DIP2B: variants seen among roughly 807,000 people sequenced by gnomAD.
DIP2B encodes DIP2 acetate--CoA ligase B (putative).
In DIP2B, 76 loss-of-function variants were observed where a neutral mutation model predicts 198.0. That is an observed-to-expected ratio of 0.38 (90% CI 0.32 to 0.46). The LOEUF is 0.46. DIP2B is among the 20% of genes least tolerant of loss of function. DIP2B has a pLI of 0.99. For missense variants in DIP2B, 1,559 were observed against 1,978.4 expected (o/e 0.79, Z 4.02); for synonymous variants, 701 against 739.1 (o/e 0.95, Z 0.84).
At chr12:50,692,865 AG>A (rs2139550175) in intron 13 of DIP2B, 83 bp from the exon 14 acceptor site, 1 of 1,140,616 alleles carries the variant, frequency 8.8e-7, no homozygotes, top group East Asian at 2.4e-5. Flanking sequence ...ACATCAAATC[AG>A]TTGTTTATAA....
intron 4 of DIP2B, among the ~76,000 whole-genome samples, chr12:50,663,486 G>A (rs1592116522): frequency 6.6e-6 from 1 of 152,022 alleles, no homozygotes; most frequent in East Asian, 1.9e-4. Flanking sequence ...AACCTGGAAG[G>A]CAGAGCTTGC....
At chr12:50,611,655 C>T (rs1172324920) in intron 1 of DIP2B, among the ~76,000 whole-genome samples, 1 of 151,994 alleles carries the variant, frequency 6.6e-6, no homozygotes, top group Non-Finnish European at 1.5e-5. Flanking sequence ...TGGTTTTATT[C>T]TCTTTTTACC....
intron 1 of DIP2B, among the ~76,000 whole-genome samples, chr12:50,606,737 C>G (rs964012187): frequency 1.1e-4 from 17 of 151,774 alleles, no homozygotes; most frequent in Admixed American, 3.3e-4. Context: ...TTCAAGCAAT[C>G]GTCCCACTTC....
At chr12:50,735,166 G>C (rs1940114745) in intron 34 of DIP2B, 36 bp downstream of exon 34, 1 of 1,610,116 alleles carries the variant, frequency 6.2e-7, no homozygotes. Context: ...AAGGTGGGCT[G>C]TGTGGAGAAG....
At chr12:50,661,399 A>C (rs1369605533) in intron 4 of DIP2B, among the ~76,000 whole-genome samples, 1 of 152,180 alleles carries the variant, frequency 6.6e-6, no homozygotes, top group African/African-American at 2.4e-5. Context: ...TCCCTGATCC[A>C]GATTAATATT....
At position 50,595,112 on chromosome 12, in the gene DIP2B, A is replaced by G. The variant is rs1188763954; in HGVS notation, c.101-30864A>G. Among the ~76,000 whole-genome samples the G allele has an allele frequency of 2.0e-5, 3 of 152,220 alleles. No individual in the cohort carries two copies. The East Asian group carries it at 5.8e-4, about 29-fold the overall frequency. ...TAAATTGGCCATATAAATTAAGCTC[A>G]AGCTTGCATTTTAAAAGGAATAAAC... On this transcript the variant is annotated intron_variant, in intron 1 of 37. Coordinates refer to ENST00000301180, the MANE Select transcript of DIP2B (RefSeq NM_173602.3).
At position 50,683,157 on chromosome 12, in the gene DIP2B, A is replaced by G. The variant is rs1310307614; in HGVS notation, c.1226A>G (p.Asn409Ser). The change falls in exon 10 of 38, where the codon AAC (asparagine) becomes AGC (serine). Residue 409 changes from asparagine to serine, a missense_variant. By Grantham distance (46) the Asn-to-Ser change is conservative. Coordinates refer to ENST00000301180, the MANE Select transcript of DIP2B (RefSeq NM_173602.3). ...PGDRVALVYP[N>S]NDPVMFMVAF... ...TTTTAGGTAGCCCTGGTTTACCCCA[A>G]CAATGATCCAGTCATGTTTATGGTG... The G allele has an allele frequency of 9.9e-6, 16 of 1,611,110 alleles. No homozygotes were observed. The South Asian group carries it at 1.0e-4, about 10-fold the overall frequency.
At position 50,692,976 on chromosome 12, in the gene DIP2B, T is replaced by A. The variant is rs1385038673; in HGVS notation, c.1682T>A (p.Phe561Tyr). 1.9e-6 allele frequency: 3 copies of A among 1,611,032 alleles called. No homozygotes were observed. In the Admixed American group the frequency reaches 5.1e-5, roughly 27 times the overall value. ...GAAACAATAGTAAATGTCTTAGACT[T>A]TAAGAAGGATGCTGGGCTGTGGCAC... ...EGETIVNVLD[F>Y]KKDAGLWHGM... Residue 561 changes from phenylalanine to tyrosine, a missense_variant, in exon 14 of 38, where the codon TTT becomes TAT. Physicochemically the swap from Phe to Tyr is conservative, Grantham distance 22. Coordinates refer to ENST00000301180, the MANE Select transcript of DIP2B (RefSeq NM_173602.3).
chr12:50,533,294 A>G (rs962883517), intron 1 of DIP2B, among the ~76,000 whole-genome samples: 1 of 152,224 alleles, frequency 6.6e-6, no homozygotes, highest in Non-Finnish European at 1.5e-5. Flanking sequence ...AGTAGTAAGG[A>G]TGAGTCTTGT....
At chr12:50,736,959 G>A (rs2139603698) in intron 34 of DIP2B, 77 bp from the exon 35 acceptor site, 3 of 1,434,226 alleles carry the variant, frequency 2.1e-6, no homozygotes, top group Non-Finnish European at 2.9e-6. Context: ...CTCTCCAGCA[G>A]GTAACTAACC....
intron 1 of DIP2B, among the ~76,000 whole-genome samples, chr12:50,605,073 A>T (rs1958970144): frequency 6.6e-6 from 1 of 152,202 alleles, no homozygotes; most frequent in African/African-American, 2.4e-5. Flanking sequence ...CCATTAATGT[A>T]GCCTGTTTTC....
chr12:50,686,082 G>A lies in DIP2B; in HGVS notation c.1441+126G>A, dbSNP rs539074595. On this transcript the variant is annotated intron_variant, in intron 11 of 37. Transcript: ENST00000301180. ...TATTTAATTCTCATAGTCTTATGAA[G>A]TAGGTACCATTATTATCCCCATTTT... 7.8e-4 allele frequency: 795 copies of A among 1,024,652 alleles called. 1 individual carries two copies. The highest frequency in any genetic ancestry group is 9.8e-4 in the Non-Finnish European group (724 of 738,742). The allele number at this position is 1,024,652 out of a possible 1,614,324, so 63.5% of individuals were successfully genotyped here. A position where few individuals can be genotyped will look rare whatever the true frequency, so the allele number is the denominator to read the frequency against.
chr12:50,515,484 C>T (rs1958056124), intron 1 of DIP2B, among the ~76,000 whole-genome samples: 3 of 151,844 alleles, frequency 2.0e-5, no homozygotes, highest in Admixed American at 1.3e-4. Context: ...CTGCCTTGGC[C>T]TCCAAAATGC....
intron 23 of DIP2B, among the ~76,000 whole-genome samples, chr12:50,718,345 G>C (rs370745526): frequency 2.0e-5 from 3 of 152,124 alleles, no homozygotes; most frequent in Admixed American, 6.5e-5. Context: ...TAAAATATTA[G>C]TAGGAACCTG....
intron 3 of DIP2B, among the ~76,000 whole-genome samples, chr12:50,656,188 A>G (rs547161217): frequency 3.8e-4 from 58 of 152,328 alleles, no homozygotes; most frequent in African/African-American, 1.3e-3. Context: ...AGTTATATGT[A>G]TATGAATTTC....
At chr12:50,592,658 A>G (rs1365532926) in intron 1 of DIP2B, among the ~76,000 whole-genome samples, 1 of 151,680 alleles carries the variant, frequency 6.6e-6, no homozygotes. Context: ...TTGTATTTTT[A>G]GTAGAGATGG....
intron 3 of DIP2B, among the ~76,000 whole-genome samples, chr12:50,644,088 C>A (rs1230940725): frequency 6.6e-6 from 1 of 152,188 alleles, no homozygotes; most frequent in African/African-American, 2.4e-5. Flanking sequence ...TCTAAATAGA[C>A]TTAGTGTTCA....
rs1446711794 is a variant in DIP2B, at chr12:50,745,918, T to A, written c.*1079T>A. On this transcript the variant is annotated 3_prime_UTR_variant, in exon 38 of 38. Transcript: ENST00000301180. ...TCTGAAAACTGAGGAGTGTCCTCTG[T>A]TCTTCCAGTTCACGAGGGCAGGGGG... 1.3e-5 allele frequency: 2 copies of A among 152,240 alleles called. No homozygotes were observed. The allele number at this position is 152,240 out of a possible 1,614,324, so 9.4% of individuals were successfully genotyped here.
chr12:50,651,127 A>G (rs886855744), intron 3 of DIP2B, among the ~76,000 whole-genome samples: 3 of 152,134 alleles, frequency 2.0e-5, no homozygotes, highest in African/African-American at 7.2e-5. Flanking sequence ...TTGGTTGTTT[A>G]TCTTCTCTGG....
Sources: gnomAD v4.1 joint callset for allele counts (sites outside exome capture counted in the v4.1 genomes callset) on GRCh38, gnomAD v4.1.1 for gene constraint, MANE v1.5 for transcripts, NCBI Gene and HGNC (gene_info 2026-07-23, HGNC 2026-07-21) for gene names.